Variants in UGT1A9 observed in about 807,000 individuals in gnomAD.
UGT1A9 encodes UDP glucuronosyltransferase family 1 member A9.
Under a neutral mutation model 45.0 loss-of-function variants are expected in UGT1A9, and 35 were observed. The ratio of observed to expected loss-of-function variants is 0.78; its 90% CI spans 0.59 to 1.03. The LOEUF (loss-of-function observed/expected upper bound fraction) is 1.03, where lower values mean the gene tolerates loss of function less well. UGT1A9 is among the 50% of genes least tolerant of loss of function. UGT1A9 has a pLI of 0.00. For synonymous variants in UGT1A9, 278 were observed against 250.6 expected, an observed-to-expected ratio of 1.11 and a Z score of -1.03; for missense variants, 687 against 666.6, an observed-to-expected ratio of 1.03 and a Z score of -0.34.
In UGT1A9 at chr2:233,719,747, A is replaced by G. The variant is rs146266651; in HGVS notation, c.855+46958A>G. 35 of 1,612,826 alleles carry G rather than the reference A, an allele frequency of 2.2e-5. No homozygotes were observed. The East Asian group carries it at 7.4e-4, about 34-fold the overall frequency. ...AGGCAAAACACTTTTTAAAAAATGT[A>G]TTTACTTACAAGTGCTTCCATATCT... On this transcript the variant is annotated intron_variant, in intron 1 of 4. Transcript: ENST00000354728.
intron 1 of UGT1A9, chr2:233,693,016 C>CCTTCG (rs767644326): frequency 1.4e-5 from 23 of 1,613,998 alleles, no homozygotes; most frequent in Non-Finnish European, 1.8e-5. Flanking sequence ...TGGCCTGCCT[C>CCTTCG]CTTCGCTCAT....
chr2:233,693,626 C>T lies in UGT1A9; in HGVS notation c.855+20837C>T, dbSNP rs571650145. 6.3e-5 allele frequency: 101 copies of T among 1,614,196 alleles called. 1 individual carries two copies. The highest frequency in any genetic ancestry group is 6.1e-4 in the South Asian group (56 of 91,072). On this transcript the variant is annotated intron_variant, in intron 1 of 4. Coordinates refer to ENST00000354728, the MANE Select transcript of UGT1A9 (RefSeq NM_021027.3). Reference sequence around the variant, plus strand: ...TTCAGACCACATGACTTTTTCCCAACGAGTGGCCAACTTCCTTGTTAATTT... The same window carrying T: ...TTCAGACCACATGACTTTTTCCCAATGAGTGGCCAACTTCCTTGTTAATTT...
intron 1 of UGT1A9, among the ~76,000 whole-genome samples, chr2:233,677,766 T>G (rs2074399102): frequency 6.6e-6 from 1 of 152,104 alleles, no homozygotes; most frequent in South Asian, 2.1e-4. Flanking sequence ...GGAAGTAGTT[T>G]GGAGATTTTG....
intron 1 of UGT1A9, among the ~76,000 whole-genome samples, chr2:233,749,776 T>C (rs995320818): frequency 2.6e-5 from 4 of 151,902 alleles, no homozygotes; most frequent in African/African-American, 9.7e-5. Flanking sequence ...CTGATGGTTT[T>C]ATAAGGGGCC....
chr2:233,721,590 T>A (rs2076956234), intron 1 of UGT1A9: 1 of 172,476 alleles, frequency 5.8e-6, no homozygotes, highest in African/African-American at 2.4e-5. Context: ...TGCAACCTCA[T>A]CCTCAGGTTT....
intron 1 of UGT1A9, among the ~76,000 whole-genome samples, chr2:233,724,299 A>G (rs1357747984): frequency 8.9e-6 from 1 of 112,936 alleles, no homozygotes; most frequent in African/African-American, 3.5e-5. Flanking sequence ...TGACCCCCCC[A>G]CCTCCCTCCC....
rs537799034 is a variant in UGT1A9 at position 233,731,712 on chromosome 2, C to T, written c.856-35322C>T. Among the ~76,000 whole-genome samples, 65 of 152,262 alleles carry T rather than the reference C, an allele frequency of 4.3e-4. No individual in the cohort carries two copies. The South Asian group carries it at 0.013, about 30-fold the overall frequency. ...ATGGACATTTGGATTGGTTCCAGGT[C>T]TTTGCTATTGTGAATAGTGCCACAA... On this transcript the variant is annotated intron_variant, in intron 1 of 4. Coordinates refer to ENST00000354728, the MANE Select transcript of UGT1A9 (RefSeq NM_021027.3).
intron 1 of UGT1A9, chr2:233,743,982 C>G (rs6735370): frequency 4.6e-6 from 6 of 1,297,000 alleles, no homozygotes; most frequent in East Asian, 9.6e-5. Flanking sequence ...AGCACCCAGG[C>G]GCAGGCCCGA....
rs1249954264 is a variant in UGT1A9 at position 233,682,687 on chromosome 2, T to C, written c.855+9898T>C. On this transcript the variant is annotated intron_variant, in intron 1 of 4. Coordinates refer to ENST00000354728, the MANE Select transcript of UGT1A9 (RefSeq NM_021027.3). ...ATGATCTCTACAGCCACACATCAATTTGGTTGTTGCGAACTGACTTTGTTT... is the reference window on the plus strand; with the variant it reads ...ATGATCTCTACAGCCACACATCAATCTGGTTGTTGCGAACTGACTTTGTTT... 2.5e-6 allele frequency: 4 copies of C among 1,613,824 alleles called. No individual in the cohort carries two copies. In the South Asian group the frequency reaches 4.4e-5, roughly 18 times the overall value.
chr2:233,738,458 G>A (rs1690791213), intron 1 of UGT1A9, among the ~76,000 whole-genome samples: 1 of 152,228 alleles, frequency 6.6e-6, no homozygotes, highest in South Asian at 2.1e-4. Context: ...GAAGATGTGG[G>A]AAAGTTTGGA....
intron 1 of UGT1A9, among the ~76,000 whole-genome samples, chr2:233,674,850 A>C (rs1392217876): frequency 6.6e-6 from 1 of 152,154 alleles, no homozygotes; most frequent in Non-Finnish European, 1.5e-5. Context: ...CCAACCACAG[A>C]AGTAAATTGT....
chr2:233,679,022 C>T (rs2074435646), intron 1 of UGT1A9, among the ~76,000 whole-genome samples: 1 of 152,136 alleles, frequency 6.6e-6, no homozygotes, highest in Non-Finnish European at 1.5e-5. Flanking sequence ...TGGTGTAATC[C>T]TTCTGGACTT....
rs62625011 is a variant in UGT1A9 at position 233,767,092 on chromosome 2, G to A, written c.914G>A (p.Gly305Glu). The A allele has an allele frequency of 2.5e-6, 4 of 1,614,070 alleles. No individual in the cohort carries two copies. In the Admixed American group the frequency reaches 5.0e-5, roughly 20 times the overall value. The change falls in exon 2 of 5, where the codon GGA becomes GAA. Residue 305 changes from glycine to glutamate, a missense_variant. Coordinates refer to ENST00000354728, the MANE Select transcript of UGT1A9 (RefSeq NM_021027.3). ...CATGGAATTGTGGTTTTCTCTTTGG[G>A]ATCAATGGTCTCAGAAATTCCAGAG... ...GEHGIVVFSL[G>E]SMVSEIPEKK...
rs186748787 is a variant in UGT1A9, at chr2:233,672,201, G to A, written c.267G>A (p.Glu89=). Residue 89 remains glutamate (E), a synonymous_variant, in exon 1 of 5, where the codon GAG becomes GAA. Transcript: ENST00000354728. ...TSYTLEDLDR[E]FKAFAHAQWK... ...ATACCCTGGAGGATCTGGACCGGGA[G>A]TTCAAGGCTTTTGCCCATGCTCAAT... is the stretch of plus-strand genomic sequence containing the variant. 3.2e-5 allele frequency: 51 copies of A among 1,614,196 alleles called. No homozygotes were observed. The highest frequency in any genetic ancestry group is 2.0e-4 in the Admixed American group (12 of 60,020).
intron 1 of UGT1A9, among the ~76,000 whole-genome samples, chr2:233,766,156 G>C (rs1699057554): frequency 6.6e-6 from 1 of 152,196 alleles, no homozygotes; most frequent in Admixed American, 6.5e-5. Context: ...TGGGCTTGGA[G>C]AATGAGTGCA....
intron 1 of UGT1A9, among the ~76,000 whole-genome samples, chr2:233,712,367 C>CT (rs998199690): frequency 1.4e-4 from 22 of 152,290 alleles, no homozygotes; most frequent in African/African-American, 4.1e-4. Flanking sequence ...CTCCCTGCAG[C>CT]TTTTTTTATA....
chr2:233,679,944 G>A (rs772654024), intron 1 of UGT1A9, among the ~76,000 whole-genome samples: 13 of 152,100 alleles, frequency 8.5e-5, no homozygotes, highest in South Asian at 2.1e-4. Flanking sequence ...AAAAAGATGC[G>A]AGGTTTGGCT....
intron 1 of UGT1A9, chr2:233,713,474 G>T (rs779583012): frequency 1.2e-6 from 2 of 1,614,060 alleles, no homozygotes; most frequent in South Asian, 2.2e-5. Context: ...CGGCGGTGCT[G>T]GCTAAGTACC....
intron 1 of UGT1A9, among the ~76,000 whole-genome samples, chr2:233,688,405 C>T (rs1199234339): frequency 6.6e-6 from 1 of 152,148 alleles, no homozygotes; most frequent in Non-Finnish European, 1.5e-5. Context: ...TTCTAATTTT[C>T]GAGCCCATGT....
Sources: allele counts gnomAD v4.1 joint callset (sites outside exome capture counted in the v4.1 genomes callset), GRCh38; gene constraint gnomAD v4.1.1; transcripts MANE v1.5; gene names NCBI Gene and HGNC (gene_info 2026-07-23, HGNC 2026-07-21).